LRFN5: variants seen among roughly 807,000 people sequenced by gnomAD.
LRFN5 encodes the protein leucine rich repeat and fibronectin type III domain containing 5.
In LRFN5, 24 loss-of-function variants were observed where a neutral mutation model predicts 45.6. The observed-to-expected ratio is 0.53, with a 90% CI of 0.38 to 0.74. The LOEUF (loss-of-function observed/expected upper bound fraction) is 0.74, where lower values mean the gene tolerates loss of function less well. LRFN5 is among the 30% of genes least tolerant of loss of function. The pLI is 0.00. For synonymous variants in LRFN5, 340 were observed against 313.8 expected (o/e 1.08, Z -0.88); for missense variants, 776 against 861.5 (o/e 0.90, Z 1.24).
Position 41,650,236 on chromosome 14 carries a change from T to TACACACACACACAC in LRFN5, c.-197+41692_-197+41705dup, listed in dbSNP as rs1555351105. On this transcript the variant is annotated intron_variant, in intron 1 of 5. Transcript: ENST00000298119. ...TAGTGAAACCCTGTATCTACAAAAA[T>TACACACACACACAC]ACACACACACACACACACACACACA... Among the ~76,000 whole-genome samples the TACACACACACACAC allele has an allele frequency of 5.5e-4, 71 of 128,208 alleles. 1 individual carries two copies. Among genetic ancestry groups the TACACACACACACAC allele is most frequent in the African/African-American group, 2.0e-3 (66 of 33,122 alleles). 84.1% of individuals were successfully genotyped at this position (128,208 alleles called of 152,430 possible). A position where few individuals can be genotyped will look rare whatever the true frequency, so the allele number is the denominator to read the frequency against.
At chr14:41,726,251 G>C (rs1883927954) in intron 1 of LRFN5, among the ~76,000 whole-genome samples, 1 of 151,980 alleles carries the variant, frequency 6.6e-6, no homozygotes, top group South Asian at 2.1e-4. Context: ...AAACCTTGTT[G>C]TTCAGAGGGA....
chr14:41,838,213 T>C (rs1888731268), intron 2 of LRFN5, among the ~76,000 whole-genome samples: 1 of 152,216 alleles, frequency 6.6e-6, no homozygotes, highest in South Asian at 2.1e-4. Context: ...TTCTGACATA[T>C]TATTTTTCTC....
chr14:41,747,873 G>C (rs1884984337), intron 1 of LRFN5, among the ~76,000 whole-genome samples: 1 of 151,914 alleles, frequency 6.6e-6, no homozygotes, highest in Non-Finnish European at 1.5e-5. Context: ...ATCCAGAAAA[G>C]ATATACAGAT....
chr14:41,723,868 T>G (rs1401275682), intron 1 of LRFN5, among the ~76,000 whole-genome samples: 1 of 152,170 alleles, frequency 6.6e-6, no homozygotes, highest in Non-Finnish European at 1.5e-5. Context: ...CACCAAAGAA[T>G]GACTGACTTT....
chr14:41,835,914 TTTTC>T (rs1373219123), intron 2 of LRFN5, among the ~76,000 whole-genome samples: 3 of 147,486 alleles, frequency 2.0e-5, no homozygotes, highest in African/African-American at 5.2e-5. Flanking sequence ...AAAGTTTTTC[TTTTC>T]TTTTTCTTTT....
intron 2 of LRFN5, among the ~76,000 whole-genome samples, chr14:41,800,931 T>G (rs1463164238): frequency 6.6e-5 from 10 of 152,050 alleles, no homozygotes; most frequent in African/African-American, 2.2e-4. Flanking sequence ...ACTACTTCAC[T>G]TATGAGTCAG....
At chr14:41,893,776 T>A in intron 4 of LRFN5, 19 of 985,354 alleles carry the variant, frequency 1.9e-5, no homozygotes, top group Non-Finnish European at 2.3e-5. Flanking sequence ...AATGGGCTTT[T>A]TTATTTTAGG....
intron 2 of LRFN5, among the ~76,000 whole-genome samples, chr14:41,846,053 G>T (rs529000705): frequency 7.6e-6 from 1 of 131,996 alleles, no homozygotes; most frequent in South Asian, 2.3e-4. Context: ...CTGTACAGAT[G>T]ACCATGTGTC....
chr14:41,688,671 A>C (rs185628560), intron 1 of LRFN5, among the ~76,000 whole-genome samples: 269 of 150,666 alleles, frequency 1.8e-3, no homozygotes, highest in Non-Finnish European at 2.0e-3. Context: ...CAATGGGAAA[A>C]AAAACAAAAC....
At chr14:41,682,978 T>C (rs1351982665) in intron 1 of LRFN5, among the ~76,000 whole-genome samples, 1 of 152,168 alleles carries the variant, frequency 6.6e-6, no homozygotes, top group East Asian at 1.9e-4. Context: ...ATTACCCTGA[T>C]ACCAAAACCA....
rs528066579 is a variant in LRFN5 at position 41,864,369 on chromosome 14, T to C, written c.-20-22237T>C. Among the ~76,000 whole-genome samples, 21 of 152,332 alleles carry C rather than the reference T, an allele frequency of 1.4e-4. 1 individual carries two copies. Among genetic ancestry groups the C allele is most frequent in the African/African-American group, 4.6e-4 (19 of 41,582 alleles). ...ACTTTTTAATGATTGCCATTCTAAC[T>C]GGCGTGAGATGGTATCTCATTGTGG... On this transcript the variant is annotated intron_variant, in intron 2 of 5. Transcript: ENST00000298119.
At chr14:41,717,569 T>C (rs1883542509) in intron 1 of LRFN5, among the ~76,000 whole-genome samples, 1 of 152,164 alleles carries the variant, frequency 6.6e-6, no homozygotes, top group African/African-American at 2.4e-5. Context: ...CTGAAGCCCA[T>C]TCTCACCACA....
intron 2 of LRFN5, among the ~76,000 whole-genome samples, chr14:41,853,318 GT>G (rs1889338093): frequency 6.6e-6 from 1 of 151,968 alleles, no homozygotes; most frequent in South Asian, 2.1e-4. Flanking sequence ...GAACATTGTT[GT>G]AGACAACAAA....
chr14:41,623,087 T>A (rs1888190749), intron 1 of LRFN5, among the ~76,000 whole-genome samples: 1 of 152,180 alleles, frequency 6.6e-6, no homozygotes, highest in South Asian at 2.1e-4. Context: ...TGTTTCAGTA[T>A]AATGTCAGCT....
At chr14:41,814,313 CT>C (rs971009000) in intron 2 of LRFN5, among the ~76,000 whole-genome samples, 1 of 152,014 alleles carries the variant, frequency 6.6e-6, no homozygotes, top group African/African-American at 2.4e-5. Flanking sequence ...TTATTATGAC[CT>C]TATTATTCTG....
intron 2 of LRFN5, among the ~76,000 whole-genome samples, chr14:41,780,852 G>C (rs985304558): frequency 6.6e-6 from 1 of 151,472 alleles, no homozygotes; most frequent in African/African-American, 2.4e-5. Context: ...TTTATAGTAC[G>C]GTTGCCCAAG....
chr14:41,790,242 C>T (rs985360356), intron 2 of LRFN5, among the ~76,000 whole-genome samples: 1 of 151,700 alleles, frequency 6.6e-6, no homozygotes, highest in Non-Finnish European at 1.5e-5. Flanking sequence ...GCATAAACAA[C>T]TTTATTATTA....
At chr14:41,838,620 G>A (rs185222816) in intron 2 of LRFN5, among the ~76,000 whole-genome samples, 3 of 152,086 alleles carry the variant, frequency 2.0e-5, no homozygotes, top group African/African-American at 4.8e-5. Context: ...TCAGATGGGG[G>A]TGCAGGGAGT....
intron 1 of LRFN5, among the ~76,000 whole-genome samples, chr14:41,681,283 A>T (rs1490714667): frequency 1.3e-5 from 2 of 152,204 alleles, no homozygotes; most frequent in South Asian, 2.1e-4. Context: ...AACACCAAGT[A>T]GATTTAATTC....
Sources: gnomAD v4.1 joint callset for allele counts (sites outside exome capture counted in the v4.1 genomes callset) on GRCh38, gnomAD v4.1.1 for gene constraint, MANE v1.5 for transcripts, NCBI Gene and HGNC (gene_info 2026-07-23, HGNC 2026-07-21) for gene names.